The following SLC46A1 variants were observed in gnomAD, a reference collection of about 807,000 sequenced individuals.
SLC46A1 encodes the protein solute carrier family 46 member 1, also known as proton-coupled folate transporter.
SLC46A1 carries 17 observed loss-of-function variants against 32.1 expected under a neutral mutation model. The observed-to-expected ratio is 0.53, with a 90% CI of 0.36 to 0.79. The LOEUF is 0.79. SLC46A1 is among the 30% of genes least tolerant of loss of function. SLC46A1 has a pLI of 0.00. For synonymous variants in SLC46A1, 240 were observed against 262.7 expected (o/e 0.91, Z 0.84); for missense variants, 517 against 588.2 (o/e 0.88, Z 1.25).
rs34552966 is a variant in SLC46A1, at chr17:28,404,814, T to C, written c.883A>G (p.Thr295Ala). The change falls in exon 2 of 5, where the codon ACA becomes GCA. Residue 295 changes from threonine (T) to alanine (A), a missense_variant. Physicochemically the swap from Thr to Ala is moderately conservative, Grantham distance 58. Transcript: ENST00000612814. ...AGTTTGGAGTCCCAGCAGAGGGGTG[T>C]GCTTAGTTCATAAAGGGTTAAGATG... ...QDILTLYELS[T>A]PLCWDSKLIG... The C allele has an allele frequency of 4.8e-4, 769 of 1,613,860 alleles. 1 individual carries two copies. In the African/African-American group the frequency reaches 7.5e-3, roughly 16 times the overall value.
chr17:28,400,969 A>G (rs2068190659), intron 3 of SLC46A1: 1 of 599,324 alleles, frequency 1.7e-6, no homozygotes, highest in East Asian at 2.9e-5. Context: ...AGGGGCTACT[A>G]AACAAATGGC....
At position 28,404,725 on chromosome 17, in the gene SLC46A1, G is replaced by A. The variant is rs188529539; in HGVS notation, c.972C>T (p.Leu324=). 1.3e-3 allele frequency: 2,057 copies of A among 1,614,032 alleles called. 2 individuals are homozygous for A. Among genetic ancestry groups the A allele is most frequent in the Non-Finnish European group, 1.6e-3 (1,905 of 1,179,892 alleles). The change falls in exon 2 of 5, where the codon CTC becomes CTT. Residue 324 remains leucine, a synonymous_variant. Coordinates refer to ENST00000612814, the MANE Select transcript of SLC46A1 (RefSeq NM_080669.6). ...PYLTSLLALK[L]LQYCLADAWV... Reference sequence around the variant, plus strand: ...AGGCATCGGCCAGGCAGTACTGCAGGAGCTTCAGGGCCAGCAGGCTGGTGA... The same window carrying A: ...AGGCATCGGCCAGGCAGTACTGCAGAAGCTTCAGGGCCAGCAGGCTGGTGA...
upstream of SLC46A1, chr17:28,406,239 A>C: frequency 4.2e-6 from 3 of 719,004 alleles, no homozygotes; most frequent in Non-Finnish European, 3.9e-6. The surrounding 1 kb of genome is among the most constrained non-coding windows in gnomAD (Gnocchi z 4.5). Context: ...TCCCTCCTTA[A>C]ATGTCCGGCG....
At chr17:28,404,278 A>G in intron 2 of SLC46A1, 2 of 339,442 alleles carry the variant, frequency 5.9e-6, no homozygotes, top group South Asian at 5.7e-5. Flanking sequence ...AATGGCATGG[A>G]CTTTGTTTAA....
intron 3 of SLC46A1, 71 bp downstream of exon 3, chr17:28,402,167 G>T: frequency 7.4e-7 from 1 of 1,343,418 alleles, no homozygotes; most frequent in South Asian, 1.4e-5. Context: ...CCCCAGCCAT[G>T]GCTGCCCATC....
chr17:28,404,473 G>A (rs971579524), intron 2 of SLC46A1, 143 bp downstream of exon 2: 1 of 1,063,554 alleles, frequency 9.4e-7, no homozygotes, highest in East Asian at 2.6e-5. Context: ...TTTCTTAGTT[G>A]TCTGTTCTCC....
intron 2 of SLC46A1, chr17:28,404,392 A>G (rs2068229944): frequency 3.3e-6 from 2 of 605,660 alleles, no homozygotes. Flanking sequence ...ATGGTTGATA[A>G]CAGTGGGTTA....
rs577053082 is a variant in SLC46A1 at position 28,404,351 on chromosome 17, T to C, written c.1081+265A>G. On this transcript the variant is annotated intron_variant, in intron 2 of 4. Transcript: ENST00000612814. ...GCAATTAGTGTATGAGCCACACTTT[T>C]GTCTTTTGCTCTATATTACTAACAA... 1,101 of 518,186 alleles carry C rather than the reference T, an allele frequency of 2.1e-3. 3 individuals are homozygous for C. The highest frequency in any genetic ancestry group is 4.3e-3 in the South Asian group (208 of 48,494). 32.1% of individuals were successfully genotyped at this position (518,186 alleles called of 1,614,324 possible).
rs2068237519 is a variant in SLC46A1, at chr17:28,404,871, C to T, written c.826G>A (p.Val276Met). 2 of 1,613,976 alleles carry T rather than the reference C, an allele frequency of 1.2e-6. No individual in the cohort carries two copies. Among genetic ancestry groups the T allele is most frequent in the Non-Finnish European group, 1.7e-6 (2 of 1,179,890 alleles). The change falls in exon 2 of 5, where the codon GTG becomes ATG. Residue 276 changes from valine to methionine, a missense_variant. Transcript: ENST00000612814. The stretch of plus-strand genomic sequence containing the variant: ...GCCCCAAAGTGCACAGTGATCACCA[C>T]GAAGATGGCCAGTGAGTAGAGGGCT... ...HLALYSLAIF[V>M]VITVHFGAQD... is the part of the protein sequence containing the mutation.
At chr17:28,399,871 T>C (rs2068175238) in intron 4 of SLC46A1, 158 bp from the exon 5 acceptor site, 1 of 716,774 alleles carries the variant, frequency 1.4e-6, no homozygotes. Context: ...GAGGACAATA[T>C]CCAGGGACAT....
In SLC46A1 at chr17:28,395,006, C is replaced by T. The variant is rs1555587445; in HGVS notation, c.*4650G>A. 1 of 134,928 alleles carries T rather than the reference C, an allele frequency of 7.4e-6. No individual in the cohort carries two copies. The highest frequency in any genetic ancestry group is 2.9e-5 in the African/African-American group (1 of 34,144). The allele number at this position is 134,928 out of a possible 1,614,324, so 8.4% of individuals were successfully genotyped here. ...CTTATCTCTGGTGCCATTTGGTCTT[C>T]CTAAGTAATTACAGAAAAAAAAAAA... On this transcript the variant is annotated 3_prime_UTR_variant, in exon 5 of 5. Transcript: ENST00000612814.
At chr17:28,404,594 T>TC in intron 2 of SLC46A1, 22 bp downstream of exon 2, 1 of 1,609,706 alleles carries the variant, frequency 6.2e-7, no homozygotes. Flanking sequence ...GGACAAGCTG[T>TC]CCCTGAGCCC....
At position 28,406,107 on chromosome 17, in the gene SLC46A1, C is replaced by T; in HGVS notation, c.8G>A (p.Gly3Glu). 2 of 1,548,752 alleles carry T rather than the reference C, an allele frequency of 1.3e-6. No homozygotes were observed. Among genetic ancestry groups the T allele is most frequent in the Non-Finnish European group, 1.7e-6 (2 of 1,149,530 alleles). ...GGGCTTTTCCGGGGGGCTCGCGCTC[C>T]CCTCCATGTGCGTGCGCGGCGGAGC... MEGSASPPEKPRA... is the reference protein window; with the variant it reads MEESASPPEKPRA... Residue 3 changes from glycine (G) to glutamate (E), a missense_variant, in exon 1 of 5, where the codon GGG (glycine) becomes GAG (glutamate). Physicochemically the swap from Gly to Glu is moderately conservative, Grantham distance 98. Coordinates refer to ENST00000612814, the MANE Select transcript of SLC46A1 (RefSeq NM_080669.6). This position sits in a 1 kb window ranked among gnomAD's most constrained non-coding sequence, Gnocchi z 4.5.
chr17:28,395,515 C>A lies in SLC46A1; in HGVS notation c.*4141G>T, dbSNP rs1282466776. Reference sequence around the variant, plus strand: ...ATTGAACTCAATCTCCAGCACCTCTCTGGAGGCTGGGAGGTGGGGCTGAAA... The same window carrying A: ...ATTGAACTCAATCTCCAGCACCTCTATGGAGGCTGGGAGGTGGGGCTGAAA... On this transcript the variant is annotated 3_prime_UTR_variant, in exon 5 of 5. Coordinates refer to ENST00000612814, the MANE Select transcript of SLC46A1 (RefSeq NM_080669.6). 1 of 193,156 alleles carries A rather than the reference C, an allele frequency of 5.2e-6. No individual in the cohort carries two copies. Among genetic ancestry groups the A allele is most frequent in the South Asian group, 1.1e-4 (1 of 8,818 alleles). 12.0% of individuals were successfully genotyped at this position (193,156 alleles called of 1,614,324 possible). A position where few individuals can be genotyped will look rare whatever the true frequency, so the allele number is the denominator to read the frequency against.
intron 2 of SLC46A1, 161 bp from the exon 3 acceptor site, chr17:28,402,482 T>C (rs1342019642): frequency 1.7e-6 from 1 of 592,880 alleles, no homozygotes; most frequent in Non-Finnish European, 3.0e-6. Context: ...CAAGGAGGAA[T>C]GGAGACTGCC....
intron 3 of SLC46A1, 142 bp from the exon 4 acceptor site, chr17:28,400,908 G>A: frequency 1.3e-6 from 1 of 758,920 alleles, no homozygotes; most frequent in South Asian, 1.5e-5. Flanking sequence ...GCTACATCAT[G>A]TACTGTGACA....
chr17:28,395,829 C>T lies in SLC46A1; in HGVS notation c.*3827G>A, dbSNP rs1337938643. 6 of 1,581,244 alleles carry T rather than the reference C, an allele frequency of 3.8e-6. 1 individual carries two copies. Among genetic ancestry groups the T allele is most frequent in the Non-Finnish European group, 4.3e-6 (5 of 1,160,586 alleles). Reference sequence around the variant, plus strand: ...TGGGCCCAGCCTCGGGCCAGTGGGCCTCCCAGCACCTGCCTGGCTACAAGG... The same window carrying T: ...TGGGCCCAGCCTCGGGCCAGTGGGCTTCCCAGCACCTGCCTGGCTACAAGG... On this transcript the variant is annotated 3_prime_UTR_variant, in exon 5 of 5. Coordinates refer to ENST00000612814, the MANE Select transcript of SLC46A1 (RefSeq NM_080669.6).
rs988138947 is a variant in SLC46A1 at position 28,398,135 on chromosome 17, C to T, written c.*1521G>A. The stretch of plus-strand genomic sequence containing the variant: ...GGACACTGCCCTCACAGGACAGCGC[C>T]AATAACAATACAGTGTCTGAGTATC... On this transcript the variant is annotated 3_prime_UTR_variant, in exon 5 of 5. Coordinates refer to ENST00000612814, the MANE Select transcript of SLC46A1 (RefSeq NM_080669.6). The T allele has an allele frequency of 1.3e-5, 2 of 152,344 alleles. No individual in the cohort carries two copies. The highest frequency in any genetic ancestry group is 4.8e-5 in the African/African-American group (2 of 41,432). 9.4% of individuals were successfully genotyped at this position (152,344 alleles called of 1,614,324 possible).
In SLC46A1 at chr17:28,395,823, G is replaced by A. The variant is rs1442426709; in HGVS notation, c.*3833C>T. ...CTGCCCTGGGCCCAGCCTCGGGCCA[G>A]TGGGCCTCCCAGCACCTGCCTGGCT... On this transcript the variant is annotated 3_prime_UTR_variant, in exon 5 of 5. Coordinates refer to ENST00000612814, the MANE Select transcript of SLC46A1 (RefSeq NM_080669.6). 2.6e-6 allele frequency: 4 copies of A among 1,564,462 alleles called. No individual in the cohort carries two copies. In the East Asian group the frequency reaches 6.7e-5, roughly 26 times the overall value.
Sources: gnomAD v4.1 joint callset for allele counts on GRCh38, gnomAD v4.1.1 for gene constraint, Gnocchi (gnomAD v3.1) non-coding constraint, MANE v1.5 for transcripts, NCBI Gene and HGNC (gene_info 2026-07-23, HGNC 2026-07-21) for gene names.